Variants in PALM observed in about 807,000 individuals in gnomAD.
PALM encodes paralemmin-1.
A neutral mutation model predicts 30.7 loss-of-function variants in PALM; 18 were observed. The observed-to-expected ratio is 0.59, with a 90% CI of 0.41 to 0.87. The LOEUF (loss-of-function observed/expected upper bound fraction) is 0.87, where lower values mean the gene tolerates loss of function less well. Among genes scored for constraint, PALM ranks in the 40% least tolerant of loss-of-function variants. The pLI is 0.00. For synonymous variants in PALM, 286 were observed against 242.8 expected (o/e 1.18, Z -1.66); for missense variants, 529 against 555.4 (o/e 0.95, Z 0.48).
intron 7 of PALM, among the ~76,000 whole-genome samples, chr19:739,121 G>C (rs1421100082): frequency 6.6e-6 from 1 of 152,174 alleles, no homozygotes; most frequent in Non-Finnish European, 1.5e-5. Flanking sequence ...TGTGGTTTCT[G>C]CAGGAATGAT....
chr19:719,664 C>A (rs1429800101), intron 1 of PALM: 222 of 980,416 alleles, frequency 2.3e-4, no homozygotes, highest in Non-Finnish European at 2.6e-4. Flanking sequence ...GCATGTAAGA[C>A]CTTTTGTGAT....
Position 726,149 on chromosome 19 carries a change from C to T in PALM, c.17C>T (p.Ala6Val). The T allele has an allele frequency of 6.2e-7, 1 of 1,613,146 alleles. No individual in the cohort carries two copies. The highest frequency in any genetic ancestry group is 8.5e-7 in the Non-Finnish European group (1 of 1,179,580). ...TCTCCCTCCCGCAGGGTCCTGGCGG[C>T]AGAGACCACGTCCCAGCAGGAGCGG... The part of the protein sequence containing the change: MEVLA[A>V]ETTSQQERLQ... Residue 6 changes from alanine (A) to valine (V), a missense_variant, in exon 2 of 9, where the codon GCA becomes GTA. Coordinates refer to ENST00000338448, the MANE Select transcript of PALM (RefSeq NM_002579.3).
At chr19:728,119 G>A (rs890604646) in intron 4 of PALM, among the ~76,000 whole-genome samples, 1 of 152,204 alleles carries the variant, frequency 6.6e-6, no homozygotes, top group Admixed American at 6.5e-5. Flanking sequence ...GCGGGCAAGC[G>A]CTCCCATGGT....
At chr19:718,659 G>A (rs537551178) in intron 1 of PALM, among the ~76,000 whole-genome samples, 6 of 152,248 alleles carry the variant, frequency 3.9e-5, no homozygotes, top group African/African-American at 1.2e-4. Context: ...CCCGTTTAGG[G>A]TTCTCGGTGC....
chr19:734,079 G>A (rs1421581123), intron 5 of PALM, 94 bp from the exon 6 acceptor site: 3 of 1,164,686 alleles, frequency 2.6e-6, no homozygotes, highest in Non-Finnish European at 3.9e-6. Context: ...GTCACCCACT[G>A]TGCCATGCCC....
At chr19:726,891 C>A (rs2032680790) in intron 2 of PALM, 117 bp from the exon 3 acceptor site, 2 of 668,962 alleles carry the variant, frequency 3.0e-6, no homozygotes, top group African/African-American at 1.8e-5. Flanking sequence ...AGCCAGTGGG[C>A]CACGAGGATC....
rs1357127544 is a variant in PALM at position 746,229 on chromosome 19, T to A, written c.635-56T>A. 1 of 1,460,222 alleles carries A rather than the reference T, an allele frequency of 6.8e-7. No homozygotes were observed. The highest frequency in any genetic ancestry group is 9.5e-7 in the Non-Finnish European group (1 of 1,056,034). The allele number at this position is 1,460,222 out of a possible 1,614,324, so 90.5% of individuals were successfully genotyped here. A position where few individuals can be genotyped will look rare whatever the true frequency, so the allele number is the denominator to read the frequency against. On this transcript the variant is annotated intron_variant, in intron 8 of 8. Coordinates refer to ENST00000338448, the MANE Select transcript of PALM (RefSeq NM_002579.3). This position sits in a 1 kb window ranked among gnomAD's most constrained non-coding sequence, Gnocchi z 7.1. ...TTCCCTCCTGCCTGAGCCAGGTCAC[T>A]CTCTCTGTCCCTCCTGCCTGGAGCT...
chr19:711,422 A>G (rs533279215), intron 1 of PALM, among the ~76,000 whole-genome samples: 1 of 152,312 alleles, frequency 6.6e-6, no homozygotes, highest in East Asian at 1.9e-4. Flanking sequence ...GGGCCTGGAC[A>G]GATGGTCAAG....
chr19:730,648 C>T (rs1235842379), intron 4 of PALM, among the ~76,000 whole-genome samples: 1 of 152,168 alleles, frequency 6.6e-6, no homozygotes, highest in African/African-American at 2.4e-5. Context: ...CTCCGTGCCT[C>T]AGTTTCCCCC....
At position 746,168 on chromosome 19, in the gene PALM, C is replaced by G; in HGVS notation, c.635-117C>G. 1 of 731,434 alleles carries G rather than the reference C, an allele frequency of 1.4e-6. No individual in the cohort carries two copies. The highest frequency in any genetic ancestry group is 2.3e-6 in the Non-Finnish European group (1 of 434,100). The allele number at this position is 731,434 out of a possible 1,614,324, so 45.3% of individuals were successfully genotyped here. Reference sequence around the variant, plus strand: ...GGTGTAATCTAGTTCGTGATTTCCTCTTTAGCCTGGAGGAGGATACAAGCC... The same window carrying G: ...GGTGTAATCTAGTTCGTGATTTCCTGTTTAGCCTGGAGGAGGATACAAGCC... On this transcript the variant is annotated intron_variant, in intron 8 of 8. Transcript: ENST00000338448. The surrounding 1 kb of genome is among the most constrained non-coding windows in gnomAD (Gnocchi z 7.1).
At chr19:740,591 C>CCGG in intron 8 of PALM, 108 bp downstream of exon 8, 1 of 1,063,190 alleles carries the variant, frequency 9.4e-7, no homozygotes, top group African/African-American at 1.6e-5. Context: ...GACCCCGATT[C>CCGG]GATGTGAAGC....
At position 709,613 on chromosome 19, in the gene PALM, C is replaced by G. The variant is rs922657755; in HGVS notation, c.5+462C>G. The stretch of plus-strand genomic sequence containing the variant: ...CGCACGGCTCCTGGCGCCCTGGACG[C>G]GCGCGCGGGCCGGTGCCCCCCACCC... On this transcript the variant is annotated intron_variant, in intron 1 of 8. Transcript: ENST00000338448. This position sits in a 1 kb window ranked among gnomAD's most constrained non-coding sequence, Gnocchi z 4.3. Among the ~76,000 whole-genome samples, 1 of 151,910 alleles carries G rather than the reference C, an allele frequency of 6.6e-6. No homozygotes were observed. Among genetic ancestry groups the G allele is most frequent in the Admixed American group, 6.5e-5 (1 of 15,284 alleles).
At chr19:736,208 T>A (rs993871089) in intron 7 of PALM, 130 bp downstream of exon 7, 3 of 657,646 alleles carry the variant, frequency 4.6e-6, no homozygotes, top group Non-Finnish European at 7.5e-6. Context: ...GCCGTGGTTA[T>A]GGGGGTGGCA....
rs146837945 is a variant in PALM at position 726,254 on chromosome 19, G to A, written c.57+65G>A. 1.2e-4 allele frequency: 165 copies of A among 1,400,940 alleles called. No homozygotes were observed. The African/African-American group carries it at 2.1e-3, about 18-fold the overall frequency. 86.8% of individuals were successfully genotyped at this position (1,400,940 alleles called of 1,614,324 possible). ...GGGAAGTGGGGGGACCTGGGGTCTC[G>A]GGCCCTGGACCTGTCCTAGGACCTG... On this transcript the variant is annotated intron_variant, in intron 2 of 8. Coordinates refer to ENST00000338448, the MANE Select transcript of PALM (RefSeq NM_002579.3).
intron 3 of PALM, 24 bp downstream of exon 3, chr19:727,112 G>A: frequency 2.0e-6 from 3 of 1,482,794 alleles, no homozygotes; most frequent in Non-Finnish European, 2.8e-6. Flanking sequence ...AGGGACCCAG[G>A]GTCAGGGAGT....
chr19:741,370 C>T (rs534069235), intron 8 of PALM, among the ~76,000 whole-genome samples: 3 of 130,466 alleles, frequency 2.3e-5, no homozygotes, highest in African/African-American at 9.2e-5. Flanking sequence ...GGCTGGAGGG[C>T]TGAGGGGAGT....
intron 8 of PALM, among the ~76,000 whole-genome samples, chr19:740,869 G>A (rs913900332): frequency 6.6e-5 from 10 of 151,582 alleles, no homozygotes; most frequent in African/African-American, 2.4e-4. Flanking sequence ...AAGGGCTCAC[G>A]CCTTTAGTCC....
chr19:719,609 C>T (rs1346380161), intron 1 of PALM: 10 of 986,488 alleles, frequency 1.0e-5, no homozygotes, highest in Non-Finnish European at 1.2e-5. Flanking sequence ...CGCCGCCGCC[C>T]TGAGCTTTTC....
chr19:718,211 A>C (rs2032332095), intron 1 of PALM, among the ~76,000 whole-genome samples: 1 of 152,108 alleles, frequency 6.6e-6, no homozygotes, highest in African/African-American at 2.4e-5. Context: ...AGATAAGTAA[A>C]GTGATCCGGG....
Sources: gnomAD v4.1 joint callset for allele counts (sites outside exome capture counted in the v4.1 genomes callset) on GRCh38, gnomAD v4.1.1 for gene constraint, Gnocchi (gnomAD v3.1) non-coding constraint, MANE v1.5 for transcripts, NCBI Gene and HGNC (gene_info 2026-07-23, HGNC 2026-07-21) for gene names.